FOXJ2: variants seen among roughly 807,000 people sequenced by gnomAD.
FOXJ2 encodes the protein forkhead box J2.
A neutral mutation model predicts 68.4 loss-of-function variants in FOXJ2; 18 were observed. The ratio of observed to expected loss-of-function variants is 0.26; its 90% CI spans 0.18 to 0.39. The LOEUF is 0.39. FOXJ2 is among the 10% of genes least tolerant of loss of function. The pLI is 1.00. For synonymous variants in FOXJ2, 274 were observed against 263.2 expected, an observed-to-expected ratio of 1.04 and a Z score of -0.40; for missense variants, 670 against 726.5, an observed-to-expected ratio of 0.92 and a Z score of 0.89.
At position 8,040,010 on chromosome 12, in the gene FOXJ2, G is replaced by A; in HGVS notation, c.178G>A (p.Ala60Thr). Reference sequence around the variant, plus strand: ...TGCCACCCTGAGCAAAGACGAGGCAGCAGTGCACCAGGACGGCAAGCCACG... The same window carrying A: ...TGCCACCCTGAGCAAAGACGAGGCAACAGTGCACCAGGACGGCAAGCCACG... ...PNATLSKDEA[A>T]VHQDGKPRYS... is the part of the protein sequence containing the mutation. Residue 60 changes from alanine to threonine, a missense_variant, in exon 2 of 11, where the codon GCA (alanine) becomes ACA (threonine). Ala to Thr is a moderately conservative substitution (Grantham distance 58). Transcript: ENST00000162391. This position sits in a 1 kb window ranked among gnomAD's most constrained non-coding sequence, Gnocchi z 4.0. 1 of 1,614,154 alleles carries A rather than the reference G, an allele frequency of 6.2e-7. No individual in the cohort carries two copies. Among genetic ancestry groups the A allele is most frequent in the Non-Finnish European group, 8.5e-7 (1 of 1,180,034 alleles).
Position 8,032,896 on chromosome 12 carries a change from A to T in FOXJ2, c.-952A>T, listed in dbSNP as rs753465352. The T allele has an allele frequency of 1.6e-4, 64 of 398,114 alleles. No individual in the cohort carries two copies. The highest frequency in any genetic ancestry group is 8.4e-4 in the African/African-American group (41 of 48,698). The allele number at this position is 398,114 out of a possible 1,614,324, so 24.7% of individuals were successfully genotyped here. On this transcript the variant is annotated 5_prime_UTR_variant, in exon 1 of 11. Transcript: ENST00000162391. The surrounding 1 kb of genome is among the most constrained non-coding windows in gnomAD (Gnocchi z 4.8). ...GAGGAGGTGCTGCCGCCACAGTAGCAGGGACCGGAGTCTCGAGCCGCGGCC... is the reference window on the plus strand; with the variant it reads ...GAGGAGGTGCTGCCGCCACAGTAGCTGGGACCGGAGTCTCGAGCCGCGGCC...
At chr12:8,034,227 T>C (rs1480312940) in intron 1 of FOXJ2, among the ~76,000 whole-genome samples, 1 of 152,014 alleles carries the variant, frequency 6.6e-6, no homozygotes, top group African/African-American at 2.4e-5. Context: ...CCCTGGAGAG[T>C]GGGCTGTCAT....
Position 8,042,942 on chromosome 12 carries a change from G to A in FOXJ2, c.408+210G>A, listed in dbSNP as rs140378970. 6.0e-3 allele frequency among the ~76,000 whole-genome samples: 906 copies of A among 152,254 alleles called. 8 individuals are homozygous for A. The highest frequency in any genetic ancestry group is 0.021 in the African/African-American group (856 of 41,550). On this transcript the variant is annotated intron_variant, in intron 3 of 10. Transcript: ENST00000162391. ...ACTGAGAAAGACTGTGAGGCCAGGCGTGGTGGCTTATGCCTGTAATCCCAA... is the reference window on the plus strand; with the variant it reads ...ACTGAGAAAGACTGTGAGGCCAGGCATGGTGGCTTATGCCTGTAATCCCAA...
At position 8,033,086 on chromosome 12, in the gene FOXJ2, C is replaced by T. The variant is rs1207741948; in HGVS notation, c.-762C>T. 3 of 386,710 alleles carry T rather than the reference C, an allele frequency of 7.8e-6. No homozygotes were observed. Among genetic ancestry groups the T allele is most frequent in the African/African-American group, 6.2e-5 (3 of 48,238 alleles). 24.0% of individuals were successfully genotyped at this position (386,710 alleles called of 1,614,324 possible). ...CTCGGGTGAGGGAAAGAAGAGACCC[C>T]TGGAGGGGACGCCTCTCTCCTGCCT... On this transcript the variant is annotated 5_prime_UTR_variant, in exon 1 of 11. Transcript: ENST00000162391.
chr12:8,045,822 T>C (rs1947028963), intron 6 of FOXJ2, among the ~76,000 whole-genome samples: 1 of 151,300 alleles, frequency 6.6e-6, no homozygotes, highest in Non-Finnish European at 1.5e-5. Context: ...CACGCCTGGC[T>C]AATTTTTATA....
intron 1 of FOXJ2, among the ~76,000 whole-genome samples, chr12:8,037,621 C>T (rs3782680): frequency 0.76 from 114,916 of 152,130 alleles, 44,175 homozygotes; most frequent in African/African-American, 0.85. Flanking sequence ...TGAAGGCCTC[C>T]GTGCTCTTAA....
At chr12:8,034,998 G>C (rs1460285484) in intron 1 of FOXJ2, among the ~76,000 whole-genome samples, 2 of 152,208 alleles carry the variant, frequency 1.3e-5, no homozygotes, top group Non-Finnish European at 2.9e-5. Flanking sequence ...TGTGAAGGAG[G>C]CTTCATCTGA....
Position 8,040,031 on chromosome 12 carries a change from C to T in FOXJ2, c.199C>T (p.Pro67Ser), listed in dbSNP as rs1237201952. 2 of 1,614,104 alleles carry T rather than the reference C, an allele frequency of 1.2e-6. No homozygotes were observed. The highest frequency in any genetic ancestry group is 1.7e-6 in the Non-Finnish European group (2 of 1,180,026). ...DEAAVHQDGK[P>S]RYSYATLITY... ...GGCAGCAGTGCACCAGGACGGCAAG[C>T]CACGATACAGCTATGCCACTCTCAT... Residue 67 changes from proline (P) to serine (S), a missense_variant, in exon 2 of 11, where the codon CCA (proline) becomes TCA (serine). Transcript: ENST00000162391. The surrounding 1 kb of genome is among the most constrained non-coding windows in gnomAD (Gnocchi z 4.0).
At position 8,043,724 on chromosome 12, in the gene FOXJ2, C is replaced by A; in HGVS notation, c.432C>A (p.Thr144=). 12 of 1,614,190 alleles carry A rather than the reference C, an allele frequency of 7.4e-6. No individual in the cohort carries two copies. The highest frequency in any genetic ancestry group is 1.0e-5 in the Non-Finnish European group (12 of 1,180,032). Reference sequence around the variant, plus strand: ...AGGGTTCCTATTGGACAATTGACACCTGCCCTGACATTTCCCGAAAGAGAA... The same window carrying A: ...AGGGTTCCTATTGGACAATTGACACATGCCCTGACATTTCCCGAAAGAGAA... ...PGKGSYWTID[T]CPDISRKRRH... Residue 144 remains threonine (T), a synonymous_variant, in exon 4 of 11, where the codon ACC becomes ACA. Coordinates refer to ENST00000162391, the MANE Select transcript of FOXJ2 (RefSeq NM_018416.3).
At chr12:8,041,704 C>T (rs1236246473) in intron 2 of FOXJ2, among the ~76,000 whole-genome samples, 5 of 151,698 alleles carry the variant, frequency 3.3e-5, no homozygotes, top group African/African-American at 4.8e-5. Context: ...GAAATGAGGT[C>T]TCACTGTGTT....
chr12:8,042,786 T>C, intron 3 of FOXJ2, 54 bp downstream of exon 3: 2 of 1,438,964 alleles, frequency 1.4e-6, no homozygotes, highest in Non-Finnish European at 2.0e-6. Flanking sequence ...AGTGAAGTAG[T>C]TGACAGTCCA....
In FOXJ2 at chr12:8,039,975, C is replaced by T. The variant is rs201738561; in HGVS notation, c.143C>T (p.Thr48Ile). The T allele has an allele frequency of 2.4e-4, 382 of 1,614,156 alleles. 2 individuals are homozygous for T. Among genetic ancestry groups the T allele is most frequent in the South Asian group, 1.9e-3 (171 of 91,086 alleles). ...SSRKCSPGSPTDPNATLSKDE... is the reference protein window; with the variant it reads ...SSRKCSPGSPIDPNATLSKDE... ...CGCAAGTGTTCACCAGGGTCACCCACAGATCCTAATGCCACCCTGAGCAAA... is the reference window on the plus strand; with the variant it reads ...CGCAAGTGTTCACCAGGGTCACCCATAGATCCTAATGCCACCCTGAGCAAA... The change falls in exon 2 of 11, where the codon ACA becomes ATA. Residue 48 changes from threonine to isoleucine, a missense_variant. Around this residue, in one of 2 missense-constraint regions of FOXJ2, gnomAD observed 115 missense variants for 164.3 expected, o/e 0.70. Coordinates refer to ENST00000162391, the MANE Select transcript of FOXJ2 (RefSeq NM_018416.3).
At chr12:8,047,250 C>T (rs777680429) in intron 6 of FOXJ2, among the ~76,000 whole-genome samples, 10 of 152,114 alleles carry the variant, frequency 6.6e-5, no homozygotes, top group Admixed American at 5.9e-4. Flanking sequence ...GTCAGGAGCT[C>T]GAGACCAGCC....
intron 3 of FOXJ2, among the ~76,000 whole-genome samples, 163 bp downstream of exon 3, chr12:8,042,895 T>C (rs1946983612): frequency 6.6e-6 from 1 of 152,144 alleles, no homozygotes; most frequent in South Asian, 2.1e-4. Flanking sequence ...GTCAAGCTTA[T>C]GGGCCCCCAG....
At chr12:8,050,712 G>T (rs1180829313) in intron 10 of FOXJ2, 92 bp downstream of exon 10, 10 of 1,434,560 alleles carry the variant, frequency 7.0e-6, no homozygotes, top group Non-Finnish European at 9.7e-6. Context: ...GTGCATTTTT[G>T]CCTGCATCTC....
Position 8,039,984 on chromosome 12 carries a change from A to C in FOXJ2, c.152A>C (p.Asn51Thr). The C allele has an allele frequency of 6.2e-7, 1 of 1,614,068 alleles. No individual in the cohort carries two copies. The change falls in exon 2 of 11, where the codon AAT (asparagine) becomes ACT (threonine). Residue 51 changes from asparagine to threonine, a missense_variant. Physicochemically the swap from Asn to Thr is moderately conservative, Grantham distance 65. Transcript: ENST00000162391. The part of the protein sequence containing the change: ...KCSPGSPTDP[N>T]ATLSKDEAAV... ...TCACCAGGGTCACCCACAGATCCTA[A>C]TGCCACCCTGAGCAAAGACGAGGCA...
At position 8,044,815 on chromosome 12, in the gene FOXJ2, G is replaced by A. The variant is rs746820502; in HGVS notation, c.674G>A (p.Ser225Asn). The change falls in exon 6 of 11, where the codon AGT (serine) becomes AAT (asparagine). Residue 225 changes from serine (S) to asparagine (N), a missense_variant. By Grantham distance (46) the Ser-to-Asn change is conservative. Transcript: ENST00000162391. ...GCAGCAGGGGCTTCAGGCCGAGAAA[G>A]TGCTGAGGGTCCCCCTCCCCTCTAT... ...AVAAGASGRE[S>N]AEGPPPLYNT... 6 of 1,614,018 alleles carry A rather than the reference G, an allele frequency of 3.7e-6. No individual in the cohort carries two copies. The East Asian group carries it at 1.3e-4, about 36-fold the overall frequency.
rs779412522 is a variant in FOXJ2 at position 8,048,164 on chromosome 12, C to A, written c.1100C>A (p.Pro367Gln). The A allele has an allele frequency of 1.9e-6, 3 of 1,613,956 alleles. No homozygotes were observed. In the Admixed American group the frequency reaches 5.0e-5, roughly 27 times the overall value. Residue 367 changes from proline (P) to glutamine (Q), a missense_variant, in exon 7 of 11, where the codon CCA becomes CAA. Pro to Gln is a moderately conservative substitution (Grantham distance 76). Coordinates refer to ENST00000162391, the MANE Select transcript of FOXJ2 (RefSeq NM_018416.3). ...CCTCCCCCTGTAATGGCCATGCATC[C>A]ACCCCCGCTGCAGCATGGAGGCTAC... ...YGPPPVMAMH[P>Q]PPLQHGGYHP...
intron 9 of FOXJ2, chr12:8,050,180 C>T (rs905786820): frequency 2.0e-4 from 58 of 294,340 alleles, no homozygotes; most frequent in African/African-American, 1.1e-3. Flanking sequence ...TTCACCGTGT[C>T]GCCCAGGCTA....
Sources: allele counts gnomAD v4.1 joint callset (sites outside exome capture counted in the v4.1 genomes callset), GRCh38; gene constraint gnomAD v4.1.1; regional missense constraint gnomAD v4.1.1; non-coding constraint Gnocchi (gnomAD v3.1); transcripts MANE v1.5; gene names NCBI Gene and HGNC (gene_info 2026-07-23, HGNC 2026-07-21).